The following HECW1 variants were observed in gnomAD, a reference collection of about 807,000 sequenced individuals.
The protein encoded by HECW1 is E3 ubiquitin-protein ligase HECW1.
HECW1 carries 61 observed loss-of-function variants against 182.3 expected under a neutral mutation model. The ratio of observed to expected loss-of-function variants is 0.33; its 90% CI spans 0.27 to 0.41. The LOEUF is 0.41. Among genes scored for constraint, HECW1 ranks in the 10% least tolerant of loss-of-function variants. The pLI is 1.00. For synonymous variants in HECW1, 859 were observed against 832.6 expected, an observed-to-expected ratio of 1.03 and a Z score of -0.55; for missense variants, 1,739 against 2,108.9, an observed-to-expected ratio of 0.82 and a Z score of 3.44.
At chr7:43,523,634 C>T (rs2080619881) in intron 24 of HECW1, among the ~76,000 whole-genome samples, 1 of 151,992 alleles carries the variant, frequency 6.6e-6, no homozygotes, top group South Asian at 2.1e-4. Flanking sequence ...AGGGAAACGC[C>T]ATCTCGAAAA....
At chr7:43,314,585 T>G (rs568604038) in intron 4 of HECW1, among the ~76,000 whole-genome samples, 59 of 152,288 alleles carry the variant, frequency 3.9e-4, no homozygotes, top group African/African-American at 1.3e-3. Context: ...TAAGATCTGG[T>G]GTTAACATGA....
intron 2 of HECW1, among the ~76,000 whole-genome samples, chr7:43,120,158 C>T (rs1785440711): frequency 6.6e-6 from 1 of 152,180 alleles, no homozygotes; most frequent in Admixed American, 6.5e-5. Context: ...AAACTCCTTA[C>T]TTTGCCTACA....
intron 3 of HECW1, among the ~76,000 whole-genome samples, chr7:43,265,876 A>G (rs1801728774): frequency 6.6e-6 from 1 of 152,168 alleles, no homozygotes; most frequent in Non-Finnish European, 1.5e-5. Context: ...TATAAAACAC[A>G]GGGAAGAACT....
chr7:43,245,968 C>T (rs1799342962), intron 3 of HECW1, among the ~76,000 whole-genome samples: 1 of 152,134 alleles, frequency 6.6e-6, no homozygotes, highest in Non-Finnish European at 1.5e-5. Flanking sequence ...TACACCTTCC[C>T]CTAATATTTT....
chr7:43,506,649 G>A (rs1022054544), intron 21 of HECW1, among the ~76,000 whole-genome samples: 1 of 152,158 alleles, frequency 6.6e-6, no homozygotes, highest in African/African-American at 2.4e-5. Context: ...CACAGAAATT[G>A]ATGACCTCAT....
intron 3 of HECW1, among the ~76,000 whole-genome samples, chr7:43,260,767 G>A (rs868793308): frequency 7.4e-4 from 113 of 152,256 alleles, no homozygotes; most frequent in African/African-American, 2.6e-3. Context: ...GGAGATGAGG[G>A]ACACAGGGGT....
In HECW1 at chr7:43,343,724, A is replaced by C. The variant is rs543463634; in HGVS notation, c.461-17162A>C. Among the ~76,000 whole-genome samples, 584 of 151,958 alleles carry C rather than the reference A, an allele frequency of 3.8e-3. 18 individuals are homozygous for C. The highest frequency in any genetic ancestry group is 0.013 in the African/African-American group (537 of 41,230). ...CTATTGTGAATAGTGCCGCAATAAA[A>C]ATACGTGTGCATGTGTCTTTATAGT... is the stretch of plus-strand genomic sequence containing the variant. On this transcript the variant is annotated intron_variant, in intron 5 of 29. Coordinates refer to ENST00000395891, the MANE Select transcript of HECW1 (RefSeq NM_015052.5).
chr7:43,372,308 G>C (rs558538572), intron 6 of HECW1, among the ~76,000 whole-genome samples: 363 of 152,210 alleles, frequency 2.4e-3, no homozygotes, highest in Non-Finnish European at 4.3e-3. Context: ...TTATCATTCT[G>C]TGCCTTTTCT....
chr7:43,476,267 C>T (rs893138319), intron 16 of HECW1, among the ~76,000 whole-genome samples: 2 of 152,098 alleles, frequency 1.3e-5, no homozygotes, highest in Non-Finnish European at 2.9e-5. Context: ...AAAAGATACA[C>T]TCAGAAGAGC....
chr7:43,187,779 G>A (rs11769055), intron 2 of HECW1, among the ~76,000 whole-genome samples: 36,639 of 151,922 alleles, frequency 0.24, 4,609 homozygotes, highest in Middle Eastern at 0.27. Flanking sequence ...ATAATTATCC[G>A]ATTCTTTTGG....
intron 6 of HECW1, among the ~76,000 whole-genome samples, chr7:43,362,362 G>A (rs1352429010): frequency 6.6e-6 from 1 of 152,182 alleles, no homozygotes; most frequent in Non-Finnish European, 1.5e-5. Context: ...ACACTGAACT[G>A]GGTTTCCCAT....
At chr7:43,403,093 C>T (rs535525799) in intron 7 of HECW1, among the ~76,000 whole-genome samples, 162 of 152,192 alleles carry the variant, frequency 1.1e-3, no homozygotes, top group African/African-American at 3.6e-3. Flanking sequence ...ATGTTGTTGG[C>T]GTGGGAAATA....
chr7:43,176,662 A>T (rs977389559), intron 2 of HECW1, among the ~76,000 whole-genome samples: 1 of 152,168 alleles, frequency 6.6e-6, no homozygotes, highest in Non-Finnish European at 1.5e-5. Context: ...TTAATCTACT[A>T]AATCATAAAT....
intron 2 of HECW1, among the ~76,000 whole-genome samples, chr7:43,124,022 G>A (rs1043875105): frequency 6.6e-6 from 1 of 152,246 alleles, no homozygotes; most frequent in Non-Finnish European, 1.5e-5. Flanking sequence ...AGGTGTGGGA[G>A]TGATTGGGGG....
intron 5 of HECW1, among the ~76,000 whole-genome samples, chr7:43,335,408 G>T (rs1247814651): frequency 3.3e-5 from 5 of 152,134 alleles, no homozygotes; most frequent in African/African-American, 1.2e-4. Flanking sequence ...CCCTCCTAAT[G>T]GAATTAATGC....
chr7:43,238,168 T>C (rs1798556564), intron 2 of HECW1, among the ~76,000 whole-genome samples: 1 of 152,136 alleles, frequency 6.6e-6, no homozygotes, highest in Non-Finnish European at 1.5e-5. Context: ...GTGCCTCAGA[T>C]GAAACATGAA....
In HECW1 at chr7:43,281,055, C is replaced by T. The variant is rs139395768; in HGVS notation, c.28-30708C>T. ...TGGCTTAAGATTCTAGGATCCTGCA[C>T]TCATTGACTGGGGGAGTGGAGGTGA... On this transcript the variant is annotated intron_variant, in intron 3 of 29. Transcript: ENST00000395891. Among the ~76,000 whole-genome samples the T allele has an allele frequency of 1.5e-3, 227 of 152,304 alleles. 1 individual carries two copies. In the Middle Eastern group the frequency reaches 0.024, roughly 16 times the overall value.
chr7:43,421,116 T>C (rs2076168316), intron 8 of HECW1, among the ~76,000 whole-genome samples: 1 of 152,152 alleles, frequency 6.6e-6, no homozygotes. Context: ...ATTAAATAGA[T>C]GAGAATCCAG....
intron 3 of HECW1, among the ~76,000 whole-genome samples, chr7:43,304,233 C>G (rs568201091): frequency 6.6e-6 from 1 of 152,196 alleles, no homozygotes; most frequent in East Asian, 1.9e-4. Flanking sequence ...CCAGGCCATC[C>G]CCACTTCTCC....
Sources: gnomAD v4.1 joint callset for allele counts (sites outside exome capture counted in the v4.1 genomes callset) on GRCh38, gnomAD v4.1.1 for gene constraint, MANE v1.5 for transcripts, NCBI Gene and HGNC (gene_info 2026-07-23, HGNC 2026-07-21) for gene names.